AP3D1: variants seen among roughly 807,000 people sequenced by gnomAD.
AP3D1 encodes the protein AP-3 complex subunit delta-1.
In AP3D1, 51 loss-of-function variants were observed where a neutral mutation model predicts 147.6. The observed-to-expected ratio is 0.35, with a 90% confidence interval of 0.28 to 0.44. The LOEUF (loss-of-function observed/expected upper bound fraction) is 0.44, where lower values mean the gene tolerates loss of function less well. Among genes scored for constraint, AP3D1 ranks in the 20% least tolerant of loss-of-function variants. AP3D1 has a pLI of 1.00. For missense variants in AP3D1, 1,421 were observed against 1,624.2 expected (o/e 0.87, Z 2.15); for synonymous variants, 760 against 663.0 (o/e 1.15, Z -2.25).
intron 1 of AP3D1, among the ~76,000 whole-genome samples, chr19:2,145,044 A>G (rs1215252856): frequency 6.6e-6 from 1 of 152,220 alleles, no homozygotes; most frequent in East Asian, 1.9e-4. Context: ...AAATATACTG[A>G]AATCTACTTC....
In AP3D1 at chr19:2,118,596, C is replaced by T; in HGVS notation, c.1713+5G>A. 6.2e-7 allele frequency: 1 copy of T among 1,605,424 alleles called. No homozygotes were observed. The highest frequency in any genetic ancestry group is 8.5e-7 in the Non-Finnish European group (1 of 1,178,400). ...CTCGGCCCAACACGGAGTGTTGGAT[C>T]TTACCCGCTCCTGCACCTCCAGGTC... On this transcript the variant is annotated splice_donor_5th_base_variant and intron_variant, in intron 15 of 31. Transcript: ENST00000643116.
At chr19:2,127,020 C>T in intron 9 of AP3D1, 132 bp downstream of exon 9, 4 of 969,342 alleles carry the variant, frequency 4.1e-6, no homozygotes, top group Non-Finnish European at 6.3e-6. Context: ...CAGGCCCCAC[C>T]AGCCAGCTTT....
At chr19:2,140,125 ACTC>A (rs2019181352) in intron 1 of AP3D1, among the ~76,000 whole-genome samples, 1 of 151,772 alleles carries the variant, frequency 6.6e-6, no homozygotes, top group Admixed American at 6.6e-5. Flanking sequence ...AGGATAACCC[ACTC>A]CTCCTGCTCA....
At chr19:2,162,671 AC>A (rs939346586) in intron 1 of AP3D1, among the ~76,000 whole-genome samples, 1 of 123,846 alleles carries the variant, frequency 8.1e-6, no homozygotes, top group Non-Finnish European at 1.8e-5. Context: ...CAAAAAACAA[AC>A]CCCCCCACTC....
chr19:2,161,155 G>GTTTTTT (rs58654241), intron 1 of AP3D1, among the ~76,000 whole-genome samples: 2 of 125,380 alleles, frequency 1.6e-5, no homozygotes, highest in Non-Finnish European at 1.7e-5. Flanking sequence ...GCTTCTCCTA[G>GTTTTTT]TTTTTTTTTT....
chr19:2,116,184 A>G (rs1392162863), intron 18 of AP3D1, 23 bp downstream of exon 18: 2 of 1,611,756 alleles, frequency 1.2e-6, no homozygotes, highest in African/African-American at 2.7e-5. Context: ...GCTGAGGGAC[A>G]GGCACCCGGG....
At chr19:2,119,467 G>A (rs1162588201) in intron 14 of AP3D1, among the ~76,000 whole-genome samples, 1 of 152,066 alleles carries the variant, frequency 6.6e-6, no homozygotes. Flanking sequence ...GCCGAGGCGG[G>A]CGGATCATGA....
upstream of AP3D1, among the ~76,000 whole-genome samples, chr19:2,153,607 G>A (rs575618007): frequency 3.6e-4 from 54 of 150,748 alleles, no homozygotes; most frequent in Admixed American, 1.8e-3. Context: ...CCCAGGGGGC[G>A]GAGGTTGCAG....
chr19:2,108,823 C>A (rs995610582), intron 30 of AP3D1, 57 bp from the exon 31 acceptor site: 1 of 1,529,616 alleles, frequency 6.5e-7, no homozygotes, highest in Non-Finnish European at 8.9e-7. Context: ...GCAGCCCCAC[C>A]CCCAGAGCAG....
chr19:2,102,707 G>T (rs897678675), intron 31 of AP3D1, among the ~76,000 whole-genome samples: 1 of 149,580 alleles, frequency 6.7e-6, no homozygotes, highest in Admixed American at 6.7e-5. Flanking sequence ...CAGCCTGGGC[G>T]ACACAGCGAG....
chr19:2,110,433 G>C (rs1401875165), intron 27 of AP3D1, among the ~76,000 whole-genome samples: 1 of 152,138 alleles, frequency 6.6e-6, no homozygotes, highest in Non-Finnish European at 1.5e-5. Context: ...CTGTTTCAGA[G>C]GGCAGACTTG....
chr19:2,122,850 C>G (rs1395788569), intron 11 of AP3D1, among the ~76,000 whole-genome samples: 1 of 152,208 alleles, frequency 6.6e-6, no homozygotes, highest in African/African-American at 2.4e-5. Flanking sequence ...AAATGAGCAT[C>G]CAAAACACCG....
At position 2,109,902 on chromosome 19, in the gene AP3D1, G is replaced by A; in HGVS notation, c.3321C>T (p.Ser1107=). The change falls in exon 29 of 32, where the codon AGC becomes AGT. Residue 1107 remains serine (S), a synonymous_variant. Coordinates refer to ENST00000643116, the MANE Select transcript of AP3D1 (RefSeq NM_001261826.3). Reference sequence around the variant, plus strand: ...AGCAGGGAGTGGTGATCAAGTAGGAGCTGCAGCTGAAGTGCAGCCTGAAGT... The same window carrying A: ...AGCAGGGAGTGGTGATCAAGTAGGAACTGCAGCTGAAGTGCAGCCTGAAGT... ...KLDFRLHFSC[S]SYLITTPCYS... 1.2e-6 allele frequency: 2 copies of A among 1,613,874 alleles called. No individual in the cohort carries two copies. Among genetic ancestry groups the A allele is most frequent in the Non-Finnish European group, 8.5e-7 (1 of 1,180,020 alleles).
At chr19:2,124,680 CCTG>C (rs1335368969) in intron 9 of AP3D1, among the ~76,000 whole-genome samples, 5 of 152,176 alleles carry the variant, frequency 3.3e-5, no homozygotes, top group Non-Finnish European at 7.4e-5. Flanking sequence ...GTGGCTCATG[CCTG>C]TAATCCCAGC....
intron 1 of AP3D1, among the ~76,000 whole-genome samples, chr19:2,148,612 G>A (rs761945361): frequency 2.0e-5 from 3 of 152,180 alleles, no homozygotes; most frequent in South Asian, 2.1e-4. Context: ...AGCATCCTCC[G>A]CATCATCCAG....
intron 31 of AP3D1, among the ~76,000 whole-genome samples, chr19:2,106,569 A>C (rs575084648): frequency 2.6e-5 from 4 of 151,892 alleles, no homozygotes; most frequent in Non-Finnish European, 5.9e-5. Flanking sequence ...ATAAAAAAAA[A>C]CAAAAGTACT....
At chr19:2,125,760 G>A (rs1428614416) in intron 9 of AP3D1, among the ~76,000 whole-genome samples, 1 of 151,564 alleles carries the variant, frequency 6.6e-6, no homozygotes, top group Non-Finnish European at 1.5e-5. Context: ...TATCTGAATT[G>A]TGCTATTTGA....
chr19:2,158,911 C>T (rs887095928), intron 1 of AP3D1, among the ~76,000 whole-genome samples: 3 of 152,106 alleles, frequency 2.0e-5, no homozygotes, highest in Admixed American at 1.3e-4. Context: ...TGGCCTGAGC[C>T]CAGGAATGAA....
chr19:2,142,014 T>TTA (rs200162034), intron 1 of AP3D1, among the ~76,000 whole-genome samples: 10,816 of 150,158 alleles, frequency 0.072, 696 homozygotes, highest in East Asian at 0.17. Flanking sequence ...ATATGTTTAT[T>TTA]TATATATATA....
Sources: gnomAD v4.1 joint callset for allele counts (sites outside exome capture counted in the v4.1 genomes callset) on GRCh38, gnomAD v4.1.1 for gene constraint, MANE v1.5 for transcripts, NCBI Gene and HGNC (gene_info 2026-07-23, HGNC 2026-07-21) for gene names.